Variants in MTUS2 observed in about 807,000 individuals in gnomAD.
MTUS2 encodes the protein microtubule-associated tumor suppressor candidate 2.
A neutral mutation model predicts 114.1 loss-of-function variants in MTUS2; 40 were observed. That is an observed-to-expected ratio of 0.35 (90% CI 0.27 to 0.46). The LOEUF (loss-of-function observed/expected upper bound fraction) is 0.46, where lower values mean the gene tolerates loss of function less well. MTUS2 is among the 20% of genes least tolerant of loss of function. The pLI, the probability that MTUS2 is intolerant of heterozygous loss-of-function variation, is 1.00. For synonymous variants in MTUS2, 688 were observed against 672.0 expected, an observed-to-expected ratio of 1.02 and a Z score of -0.37; for missense variants, 1,679 against 1,705.4, an observed-to-expected ratio of 0.98 and a Z score of 0.27.
intron 2 of MTUS2, among the ~76,000 whole-genome samples, chr13:28,928,216 A>C (rs1338914672): frequency 6.6e-6 from 1 of 152,194 alleles, no homozygotes; most frequent in African/African-American, 2.4e-5. Flanking sequence ...TGTGTAAGAC[A>C]TCAAAAGCAG....
chr13:29,434,114 A>T lies in MTUS2; in HGVS notation c.3118-5869A>T, dbSNP rs1193330864. Among the ~76,000 whole-genome samples, 5 of 152,284 alleles carry T rather than the reference A, an allele frequency of 3.3e-5. No homozygotes were observed. The South Asian group carries it at 6.2e-4, about 19-fold the overall frequency. ...TGTATATTTTTAAATTTACATATAT[A>T]TGTATTTTCTTTTTTAAAAAAAATC... On this transcript the variant is annotated intron_variant, in intron 8 of 15. Coordinates refer to ENST00000612955, the MANE Select transcript of MTUS2 (RefSeq NM_001033602.4).
intron 5 of MTUS2, among the ~76,000 whole-genome samples, chr13:29,132,792 C>CA (rs1432052618): frequency 1.3e-5 from 2 of 152,174 alleles, no homozygotes; most frequent in African/African-American, 4.8e-5. Flanking sequence ...TTAGCTACTG[C>CA]AGTTAATACC....
At chr13:29,268,856 A>C (rs1311916029) in intron 5 of MTUS2, among the ~76,000 whole-genome samples, 3 of 152,108 alleles carry the variant, frequency 2.0e-5, no homozygotes, top group Non-Finnish European at 4.4e-5. Context: ...CAGCCTCCTG[A>C]GTAGCTGGGG....
chr13:29,101,082 T>A, intron 5 of MTUS2, 112 bp downstream of exon 5: 1 of 1,149,422 alleles, frequency 8.7e-7, no homozygotes, highest in South Asian at 1.7e-5. Flanking sequence ...ATCACCTCCC[T>A]TAGCTTCCCA....
chr13:28,923,322 T>C (rs1029982259), intron 2 of MTUS2, among the ~76,000 whole-genome samples: 1 of 152,228 alleles, frequency 6.6e-6, no homozygotes, highest in Admixed American at 6.5e-5. Context: ...TGTTTCTTGG[T>C]ATGATGATTG....
chr13:28,863,590 A>G (rs912864879), intron 2 of MTUS2, among the ~76,000 whole-genome samples: 1 of 152,222 alleles, frequency 6.6e-6, no homozygotes, highest in African/African-American at 2.4e-5. Flanking sequence ...AGTGAGGAAA[A>G]AACACATCTT....
At chr13:28,865,191 G>A (rs1877224141) in intron 2 of MTUS2, among the ~76,000 whole-genome samples, 4 of 152,116 alleles carry the variant, frequency 2.6e-5, no homozygotes, top group Admixed American at 2.0e-4. Context: ...TGGCTCCTAC[G>A]ACCCTTGAGA....
chr13:29,362,243 C>G (rs1033261004), intron 8 of MTUS2, among the ~76,000 whole-genome samples: 1 of 152,152 alleles, frequency 6.6e-6, no homozygotes, highest in Admixed American at 6.5e-5. Context: ...CCTCAGCCTC[C>G]TAAAGCACTG....
rs201510503 is a variant in MTUS2 at position 29,025,071 on chromosome 13, C to T, written c.373C>T (p.Arg125Trp). ...ERGTDSLQTT[R>W]SIQGPSLSSW... is the part of the protein sequence containing the mutation. ...AGGCACAGATAGCCTGCAGACCACG[C>T]GGAGTATTCAGGGACCAAGTCTGTC... Residue 125 changes from arginine to tryptophan, a missense_variant, in exon 3 of 16, where the codon CGG (arginine) becomes TGG (tryptophan). Coordinates refer to ENST00000612955, the MANE Select transcript of MTUS2 (RefSeq NM_001033602.4). 1.6e-4 allele frequency: 255 copies of T among 1,613,896 alleles called. No homozygotes were observed. The highest frequency in any genetic ancestry group is 1.7e-4 in the Admixed American group (10 of 60,012).
intron 2 of MTUS2, among the ~76,000 whole-genome samples, chr13:28,976,203 C>CAAAAAAAAAAAAAAAAAA (rs71090215): frequency 2.2e-5 from 2 of 90,158 alleles, no homozygotes; most frequent in Non-Finnish European, 4.4e-5. Context: ...GACCTTGTCT[C>CAAAAAAAAAAAAAAAAAA]AAAAAAAAAA....
chr13:29,392,602 A>G (rs1220974577), intron 8 of MTUS2, among the ~76,000 whole-genome samples: 1 of 152,214 alleles, frequency 6.6e-6, no homozygotes, highest in Non-Finnish European at 1.5e-5. Flanking sequence ...TCTGGTGTAT[A>G]TTTATATGAG....
At chr13:29,090,773 C>G (rs1000523184) in intron 4 of MTUS2, among the ~76,000 whole-genome samples, 1 of 152,212 alleles carries the variant, frequency 6.6e-6, no homozygotes, top group African/African-American at 2.4e-5. Context: ...AGGCTAAAGC[C>G]ACTTAGAGGA....
At chr13:29,146,083 T>A (rs894958416) in intron 5 of MTUS2, among the ~76,000 whole-genome samples, 2 of 152,234 alleles carry the variant, frequency 1.3e-5, no homozygotes, top group Non-Finnish European at 2.9e-5. Context: ...TCTTGGTTCA[T>A]TACATAAAGT....
intron 2 of MTUS2, among the ~76,000 whole-genome samples, chr13:28,929,031 A>G (rs530745123): frequency 6.6e-6 from 1 of 152,314 alleles, no homozygotes; most frequent in Admixed American, 6.5e-5. Context: ...TTGGAACTGG[A>G]GGTCATTCTG....
chr13:28,865,781 T>A (rs1417751482), intron 2 of MTUS2, among the ~76,000 whole-genome samples: 1 of 152,156 alleles, frequency 6.6e-6, no homozygotes, highest in African/African-American at 2.4e-5. Context: ...GCTATCGGGT[T>A]TTCCCTATGA....
intron 4 of MTUS2, among the ~76,000 whole-genome samples, chr13:29,099,306 T>G (rs1890310895): frequency 6.6e-6 from 1 of 152,202 alleles, no homozygotes; most frequent in Admixed American, 6.5e-5. Context: ...CAGCCCCAGC[T>G]CTTTGCTTCT....
At chr13:29,191,813 T>C (rs966173996) in intron 5 of MTUS2, among the ~76,000 whole-genome samples, 1 of 152,216 alleles carries the variant, frequency 6.6e-6, no homozygotes, top group African/African-American at 2.4e-5. Flanking sequence ...TAACATTATA[T>C]AGTAGTTGAT....
At position 29,052,440 on chromosome 13, in the gene MTUS2, C is replaced by G. The variant is rs552727716; in HGVS notation, c.2446+18315C>G. Among the ~76,000 whole-genome samples, 418 of 143,484 alleles carry G rather than the reference C, an allele frequency of 2.9e-3. 2 individuals are homozygous for G. Among genetic ancestry groups the G allele is most frequent in the African/African-American group, 0.01 (389 of 38,200 alleles). 94.1% of individuals were successfully genotyped at this position (143,484 alleles called of 152,430 possible). On this transcript the variant is annotated intron_variant, in intron 4 of 15. Transcript: ENST00000612955. ...AGGTTGCAGTGAGCCGAGATCACAC[C>G]ACTGCATGCTAGCCTGAGCAAAAAA...
chr13:29,495,965 T>TA (rs1882529044), intron 12 of MTUS2, among the ~76,000 whole-genome samples: 1 of 152,072 alleles, frequency 6.6e-6, no homozygotes, highest in Admixed American at 6.5e-5. Flanking sequence ...TATCTATATA[T>TA]TTTTTAGAAG....
Sources: allele counts gnomAD v4.1 joint callset (sites outside exome capture counted in the v4.1 genomes callset), GRCh38; gene constraint gnomAD v4.1.1; transcripts MANE v1.5; gene names NCBI Gene and HGNC (gene_info 2026-07-23, HGNC 2026-07-21).